Variants in CNTNAP4 observed in about 807,000 individuals in gnomAD.
CNTNAP4 encodes the protein contactin-associated protein-like 4.
A neutral mutation model predicts 148.4 loss-of-function variants in CNTNAP4; 98 were observed. The observed-to-expected ratio is 0.66, with a 90% CI of 0.56 to 0.78. CNTNAP4 has a LOEUF of 0.78. CNTNAP4 is among the 30% of genes least tolerant of loss of function. The pLI is 0.00. For missense variants in CNTNAP4, 1,935 were observed against 1,565.6 expected (o/e 1.24, Z -3.98); for synonymous variants, 730 against 565.1 (o/e 1.29, Z -4.14).
intron 3 of CNTNAP4, among the ~76,000 whole-genome samples, chr16:76,396,387 T>C (rs193015661): frequency 1.3e-5 from 2 of 152,290 alleles, no homozygotes; most frequent in East Asian, 3.9e-4. Flanking sequence ...ATGCACCCTA[T>C]GTGAGTATCC....
intron 1 of CNTNAP4, among the ~76,000 whole-genome samples, chr16:76,302,311 G>T (rs535967630): frequency 3.1e-4 from 47 of 152,184 alleles, no homozygotes; most frequent in African/African-American, 1.1e-3. Flanking sequence ...GAAATATGAA[G>T]GATCAATCCT....
intron 3 of CNTNAP4, among the ~76,000 whole-genome samples, chr16:76,363,232 G>A (rs537831983): frequency 8.7e-5 from 13 of 149,862 alleles, no homozygotes; most frequent in East Asian, 2.0e-4. Flanking sequence ...AGTGGATCCC[G>A]GCTCATTGCA....
chr16:76,375,967 A>C (rs1365729588), intron 3 of CNTNAP4, among the ~76,000 whole-genome samples: 1 of 152,118 alleles, frequency 6.6e-6, no homozygotes, highest in African/African-American at 2.4e-5. Flanking sequence ...AGTTGCTTTT[A>C]CCTCCTCTGT....
chr16:76,362,075 C>T (rs1202849517), intron 3 of CNTNAP4, among the ~76,000 whole-genome samples: 1 of 151,876 alleles, frequency 6.6e-6, no homozygotes, highest in African/African-American at 2.4e-5. Flanking sequence ...TTTTACTATA[C>T]TATTATTATA....
intron 2 of CNTNAP4, among the ~76,000 whole-genome samples, chr16:76,321,741 A>G (rs1398671373): frequency 6.7e-6 from 1 of 149,048 alleles, no homozygotes; most frequent in Non-Finnish European, 1.5e-5. Flanking sequence ...GTGAGCTGAG[A>G]TCACACCACT....
rs146015802 is a variant in CNTNAP4 at position 76,502,223 on chromosome 16, C to G, written c.2365+3529C>G. On this transcript the variant is annotated intron_variant, in intron 15 of 23. Transcript: ENST00000611870. ...GTTCATCGTCACGTGAGGTTATTTT[C>G]TGCATGAAGGACTAAGGACTAAGGA... 6.5e-3 allele frequency among the ~76,000 whole-genome samples: 988 copies of G among 152,274 alleles called. 10 individuals carry two copies. Among genetic ancestry groups the G allele is most frequent in the African/African-American group, 0.023 (941 of 41,542 alleles).
At chr16:76,370,177 A>T (rs2014633549) in intron 3 of CNTNAP4, among the ~76,000 whole-genome samples, 1 of 151,870 alleles carries the variant, frequency 6.6e-6, no homozygotes, top group Non-Finnish European at 1.5e-5. Flanking sequence ...GGTTGTCAAT[A>T]CAAAGCATCA....
At chr16:76,394,751 C>T (rs7200274) in intron 3 of CNTNAP4, among the ~76,000 whole-genome samples, 2,096 of 151,902 alleles carry the variant, frequency 0.014, 36 homozygotes, top group African/African-American at 0.042. Context: ...CCAAAGAAGC[C>T]CTAGGCAATG....
chr16:76,354,423 T>G (rs2144490238), intron 2 of CNTNAP4, among the ~76,000 whole-genome samples: 1 of 152,296 alleles, frequency 6.6e-6, no homozygotes, highest in Admixed American at 6.5e-5. Context: ...TATTCTTTAC[T>G]TCTGAGTGAT....
In CNTNAP4 at chr16:76,520,168, C is replaced by T. The variant is rs143126328; in HGVS notation, c.2366-972C>T. Among the ~76,000 whole-genome samples, 379 of 152,274 alleles carry T rather than the reference C, an allele frequency of 2.5e-3. 1 individual carries two copies. The highest frequency in any genetic ancestry group is 8.7e-3 in the African/African-American group (360 of 41,566). On this transcript the variant is annotated intron_variant, in intron 15 of 23. Coordinates refer to ENST00000611870, the MANE Select transcript of CNTNAP4 (RefSeq NM_033401.5). ...TGATGTGCAGAGAACTTGCTAGTGGCAGCAGACAATACAGAGTTTGTTTCT... is the reference window on the plus strand; with the variant it reads ...TGATGTGCAGAGAACTTGCTAGTGGTAGCAGACAATACAGAGTTTGTTTCT...
At chr16:76,389,603 G>A (rs915217613) in intron 3 of CNTNAP4, among the ~76,000 whole-genome samples, 3 of 152,062 alleles carry the variant, frequency 2.0e-5, no homozygotes. Flanking sequence ...ACAGGAATGT[G>A]CCACCAAGCC....
intron 8 of CNTNAP4, among the ~76,000 whole-genome samples, chr16:76,457,402 C>G (rs997795061): frequency 1.3e-5 from 2 of 152,174 alleles, no homozygotes; most frequent in Non-Finnish European, 1.5e-5. Flanking sequence ...GAAGGTTCCC[C>G]CACAAACATG....
rs188967392 is a variant in CNTNAP4 at position 76,445,226 on chromosome 16, A to G, written c.539-2786A>G. On this transcript the variant is annotated intron_variant, in intron 4 of 23. Coordinates refer to ENST00000611870, the MANE Select transcript of CNTNAP4 (RefSeq NM_033401.5). Reference sequence around the variant, plus strand: ...CCTGTTTCTAGACCTGAGAACTGAGAGAGCCCTTTATCAACTACCTTAAGT... The same window carrying G: ...CCTGTTTCTAGACCTGAGAACTGAGGGAGCCCTTTATCAACTACCTTAAGT... 2.4e-3 allele frequency among the ~76,000 whole-genome samples: 358 copies of G among 152,306 alleles called. 1 individual carries two copies. The highest frequency in any genetic ancestry group is 4.2e-3 in the Admixed American group (64 of 15,290).
chr16:76,442,129 C>G (rs2080068745), intron 4 of CNTNAP4, among the ~76,000 whole-genome samples: 1 of 151,732 alleles, frequency 6.6e-6, no homozygotes, highest in Non-Finnish European at 1.5e-5. Context: ...TCACAAGGGT[C>G]CTTATAAAAG....
intron 15 of CNTNAP4, among the ~76,000 whole-genome samples, chr16:76,512,373 T>G (rs4444367): frequency 6.6e-6 from 1 of 151,908 alleles, no homozygotes; most frequent in Non-Finnish European, 1.5e-5. Flanking sequence ...TTATGGTAGC[T>G]TGAGCCATGG....
At chr16:76,301,363 C>A (rs1959949009) in intron 1 of CNTNAP4, among the ~76,000 whole-genome samples, 1 of 152,034 alleles carries the variant, frequency 6.6e-6, no homozygotes, top group African/African-American at 2.4e-5. Flanking sequence ...TTTTTAAAAA[C>A]TGTGTTTGAG....
At chr16:76,368,000 G>A (rs2014362138) in intron 3 of CNTNAP4, among the ~76,000 whole-genome samples, 1 of 152,140 alleles carries the variant, frequency 6.6e-6, no homozygotes, top group Admixed American at 6.5e-5. Flanking sequence ...AGAGGTGGGA[G>A]CCCAGATTTT....
intron 3 of CNTNAP4, among the ~76,000 whole-genome samples, chr16:76,408,244 C>T (rs1485224103): frequency 6.9e-6 from 1 of 145,158 alleles, no homozygotes; most frequent in Non-Finnish European, 1.5e-5. Context: ...ATCCACAGTA[C>T]CTCTGAAGTG....
intron 3 of CNTNAP4, among the ~76,000 whole-genome samples, chr16:76,381,126 A>G (rs1393294340): frequency 6.6e-6 from 1 of 152,182 alleles, no homozygotes; most frequent in Non-Finnish European, 1.5e-5. Flanking sequence ...CTTTCACACT[A>G]TCTTCCTCTA....
Sources: gnomAD v4.1 joint callset for allele counts (sites outside exome capture counted in the v4.1 genomes callset) on GRCh38, gnomAD v4.1.1 for gene constraint, MANE v1.5 for transcripts, NCBI Gene and HGNC (gene_info 2026-07-23, HGNC 2026-07-21) for gene names.